The following DNHD1 variants were observed in gnomAD, a reference collection of about 807,000 sequenced individuals.
DNHD1 encodes the protein dynein heavy chain domain-containing protein 1.
A neutral mutation model predicts 458.1 loss-of-function variants in DNHD1; 383 were observed. That is an observed-to-expected ratio of 0.84 (90% CI 0.77 to 0.91). The LOEUF (loss-of-function observed/expected upper bound fraction) is 0.91. Ranked by LOEUF, DNHD1 falls within the 40% of genes least tolerant of loss-of-function variation. DNHD1 has a pLI of 0.00. For synonymous variants in DNHD1, 2,203 were observed against 2,376.9 expected (o/e 0.93, Z 2.13); for missense variants, 5,336 against 5,866.1 (o/e 0.91, Z 2.95).
Position 6,498,635 on chromosome 11 carries a change from G to C in DNHD1, c.420G>C (p.Leu140Phe). ...IVQAFPPDSS[L>F]LDSASHADCC... is the part of the protein sequence containing the mutation. ...AGGCCTTTCCTCCAGACAGCTCTTT[G>C]TTAGACAGTGCTTCCCATGCTGACT... Residue 140 changes from leucine (L) to phenylalanine (F), a missense_variant, in exon 3 of 43, where the codon TTG becomes TTC. Leu to Phe is a conservative substitution (Grantham distance 22). Coordinates refer to ENST00000254579, the MANE Select transcript of DNHD1 (RefSeq NM_144666.3). 1 of 1,614,208 alleles carries C rather than the reference G, an allele frequency of 6.2e-7. No individual in the cohort carries two copies. The highest frequency in any genetic ancestry group is 1.1e-5 in the South Asian group (1 of 91,084).
rs1852331664 is a variant in DNHD1, at chr11:6,511,323, G to A, written c.1286G>A (p.Arg429Gln). The change falls in exon 7 of 43, where the codon CGG (arginine) becomes CAG (glutamine). Residue 429 changes from arginine to glutamine, a missense_variant. By Grantham distance (43) the Arg-to-Gln change is conservative (BLOSUM62 1). Around this residue, in one of 4 missense-constraint regions of DNHD1, gnomAD observed 3,932 missense variants for 4,365.6 expected, o/e 0.90. Coordinates refer to ENST00000254579, the MANE Select transcript of DNHD1 (RefSeq NM_144666.3). ...TCCTGGCTACCCCAGGAACTGGATCGGTGCTATGAGCTGCTGGACCTGCAG... is the reference window on the plus strand; with the variant it reads ...TCCTGGCTACCCCAGGAACTGGATCAGTGCTATGAGCTGCTGGACCTGCAG... ...SVSWLPQELD[R>Q]CYELLDLQTA... 6 of 1,614,118 alleles carry A rather than the reference G, an allele frequency of 3.7e-6. No homozygotes were observed. The highest frequency in any genetic ancestry group is 3.3e-5 in the Admixed American group (2 of 60,004).
rs1054810068 is a variant in DNHD1 at position 6,544,278 on chromosome 11, T to C, written c.3754+32T>C. On this transcript the variant is annotated intron_variant, in intron 19 of 42. Transcript: ENST00000254579. ...GCAGGCCTCTAGCCAGGCTGATGGG[T>C]GAGACCTGAGGCAGGATGTCCCAGA... 2.6e-6 allele frequency: 4 copies of C among 1,550,702 alleles called. No individual in the cohort carries two copies. The African/African-American group carries it at 4.1e-5, about 16-fold the overall frequency.
chr11:6,571,550 C>G lies in DNHD1; in HGVS notation c.13912-86C>G, dbSNP rs1372490234. ...GCTAGCTTCTCCGATCTCGCTTCAC[C>G]ACGACCTCCTACCCGCTAACCCCCA... On this transcript the variant is annotated intron_variant, in intron 42 of 42. Transcript: ENST00000254579. This position sits in a 1 kb window ranked among gnomAD's most constrained non-coding sequence, Gnocchi z 5.0. 8 of 1,458,008 alleles carry G rather than the reference C, an allele frequency of 5.5e-6. No homozygotes were observed. The Admixed American group carries it at 9.6e-5, about 18-fold the overall frequency. 90.3% of individuals were successfully genotyped at this position (1,458,008 alleles called of 1,614,324 possible). A position where few individuals can be genotyped will look rare whatever the true frequency, so the allele number is the denominator to read the frequency against.
At chr11:6,516,132 A>T (rs944279176) in intron 7 of DNHD1, among the ~76,000 whole-genome samples, 16 of 151,926 alleles carry the variant, frequency 1.1e-4, no homozygotes, top group Admixed American at 2.0e-4. Context: ...AGTTTCTGAG[A>T]GGTATATGTT....
chr11:6,521,676 G>T (rs1490469044), intron 10 of DNHD1, among the ~76,000 whole-genome samples: 1 of 152,268 alleles, frequency 6.6e-6, no homozygotes, highest in Non-Finnish European at 1.5e-5. Flanking sequence ...AAGAAAAAAA[G>T]GATCTGAATG....
In DNHD1 at chr11:6,571,831, ACTGTGTACTCGTGTC is replaced by A. The variant is rs748971206; in HGVS notation, c.14116_14130del (p.Ser4706_Tyr4710del). 51 of 1,613,808 alleles carry A rather than the reference ACTGTGTACTCGTGTC, an allele frequency of 3.2e-5. No homozygotes were observed. The highest frequency in any genetic ancestry group is 4.1e-5 in the Non-Finnish European group (48 of 1,179,874). On this transcript the variant is annotated inframe_deletion, in exon 43 of 43. Transcript: ENST00000254579. The surrounding 1 kb of genome is among the most constrained non-coding windows in gnomAD (Gnocchi z 5.0). ...TGACCTGCCAGCCCCAGCCGACCTGACTGTGTACTCGTGTCCTGTGTACATGGGAGGGCCCCTTGG... is the reference window on the plus strand; with the variant it reads ...TGACCTGCCAGCCCCAGCCGACCTGACTGTGTACATGGGAGGGCCCCTTGG...
At chr11:6,552,146 A>G (rs1200713746) in intron 24 of DNHD1, among the ~76,000 whole-genome samples, 1 of 149,930 alleles carries the variant, frequency 6.7e-6, no homozygotes, top group Non-Finnish European at 1.5e-5. Context: ...TAAATTTAGC[A>G]ACTTAGGTGA....
chr11:6,532,942 C>T, intron 12 of DNHD1, 85 bp from the exon 13 acceptor site: 1 of 1,308,360 alleles, frequency 7.6e-7, no homozygotes. Flanking sequence ...TGCCATTCAG[C>T]CTACTCCCAC....
At chr11:6,503,813 C>T (rs1852182557) in intron 4 of DNHD1, 1 of 152,166 alleles carries the variant, frequency 6.6e-6, no homozygotes, top group South Asian at 2.1e-4. Flanking sequence ...CTATTCAAGT[C>T]CATCTCCTCC....
In DNHD1 at chr11:6,567,054, C is replaced by G. The variant is rs754619300; in HGVS notation, c.11545C>G (p.Pro3849Ala). Residue 3849 changes from proline (P) to alanine (A), a missense_variant, in exon 36 of 43, where the codon CCC becomes GCC. Pro to Ala is a conservative substitution (Grantham distance 27, BLOSUM62 -1). Coordinates refer to ENST00000254579, the MANE Select transcript of DNHD1 (RefSeq NM_144666.3). ...ACTACAGGAGATGGTATTGTGGGCA[C>G]CCTATCGACCTGTGGTTTGGCATGG... Reference protein sequence around the residue: ...QKLQEMVLWAPYRPVVWHGMA... With the variant: ...QKLQEMVLWAAYRPVVWHGMA... The G allele has an allele frequency of 8.7e-6, 14 of 1,613,900 alleles. No individual in the cohort carries two copies. The highest frequency in any genetic ancestry group is 1.3e-5 in the African/African-American group (1 of 74,918).
chr11:6,552,197 A>G (rs1853369184), intron 24 of DNHD1, among the ~76,000 whole-genome samples: 1 of 139,304 alleles, frequency 7.2e-6, no homozygotes. Flanking sequence ...ACACTGCAAT[A>G]AAGAACTACT....
intron 29 of DNHD1, 46 bp downstream of exon 29, chr11:6,563,177 G>A (rs1853621333): frequency 6.4e-7 from 1 of 1,551,274 alleles, no homozygotes; most frequent in African/African-American, 1.4e-5. Context: ...TCTCTCAAAA[G>A]AGGGCAACCC....
intron 10 of DNHD1, among the ~76,000 whole-genome samples, chr11:6,523,744 T>C (rs534968254): frequency 8.5e-4 from 130 of 152,258 alleles, no homozygotes; most frequent in African/African-American, 2.9e-3. Context: ...CCCAGCACTT[T>C]GGGAGGCCAA....
chr11:6,533,601 G>A, intron 13 of DNHD1, 80 bp from the exon 14 acceptor site: 1 of 1,471,650 alleles, frequency 6.8e-7, no homozygotes, highest in Non-Finnish European at 9.0e-7. Flanking sequence ...ACTCCAAAAG[G>A]TGGGAGTTCC....
chr11:6,566,774 G>A lies in DNHD1; in HGVS notation c.11385+9G>A. 10 of 1,607,830 alleles carry A rather than the reference G, an allele frequency of 6.2e-6. No individual in the cohort carries two copies. The highest frequency in any genetic ancestry group is 2.2e-5 in the East Asian group (1 of 44,682). The stretch of plus-strand genomic sequence containing the variant: ...CTGTGGAGGCTGCTGAGGTGCTTGG[G>A]GGCTCAGTCTGTGGGTTGAGATGAG... On this transcript the variant is annotated intron_variant, in intron 35 of 42. Transcript: ENST00000254579.
Position 6,571,169 on chromosome 11 carries a change from C to G in DNHD1, c.13657C>G (p.Arg4553Gly), listed in dbSNP as rs199993466. ...AGPQPPWHWL[R>G]QLSRRGQLLV... ...TCCGCAGCCGCCCTGGCACTGGCTG[C>G]GACAGTTGTCGCGCCGTGGGCAACT... is the stretch of plus-strand genomic sequence containing the variant. Residue 4553 changes from arginine to glycine, a missense_variant, in exon 42 of 43, where the codon CGA (arginine) becomes GGA (glycine). By Grantham distance (125) the Arg-to-Gly change is moderately radical (BLOSUM62 -2). Transcript: ENST00000254579. The surrounding 1 kb of genome is among the most constrained non-coding windows in gnomAD (Gnocchi z 5.0). 34 of 1,603,428 alleles carry G rather than the reference C, an allele frequency of 2.1e-5. No homozygotes were observed. Among genetic ancestry groups the G allele is most frequent in the Non-Finnish European group, 2.9e-5 (34 of 1,175,486 alleles).
Position 6,546,332 on chromosome 11 carries a change from G to T in DNHD1, c.5393G>T (p.Arg1798Leu). 2 of 1,552,354 alleles carry T rather than the reference G, an allele frequency of 1.3e-6. No individual in the cohort carries two copies. The highest frequency in any genetic ancestry group is 1.7e-6 in the Non-Finnish European group (2 of 1,147,148). ...TTTGAAAAACATCACGTGTCTGTGC[G>T]CCTTGGCTATGGCTGTCTCCTGGTA... ...SFFEKHHVSV[R>L]LGYGCLLVLR... Residue 1798 changes from arginine (R) to leucine (L), a missense_variant, in exon 21 of 43, where the codon CGC (arginine) becomes CTC (leucine). Arg to Leu is a moderately radical substitution (Grantham distance 102). Transcript: ENST00000254579.
chr11:6,522,863 T>C (rs934485594), intron 10 of DNHD1, among the ~76,000 whole-genome samples: 2 of 152,230 alleles, frequency 1.3e-5, no homozygotes, highest in Admixed American at 6.5e-5. Flanking sequence ...ACTAAAAGAA[T>C]ACTCAGGATA....
intron 10 of DNHD1, among the ~76,000 whole-genome samples, chr11:6,523,950 T>A (rs1852655919): frequency 6.6e-6 from 1 of 152,194 alleles, no homozygotes; most frequent in Non-Finnish European, 1.5e-5. Flanking sequence ...ATCACACCAC[T>A]GCATTCCAGC....
Sources: gnomAD v4.1 joint callset for allele counts (sites outside exome capture counted in the v4.1 genomes callset) on GRCh38, gnomAD v4.1.1 for gene constraint, gnomAD v4.1.1 regional missense constraint, Gnocchi (gnomAD v3.1) non-coding constraint, MANE v1.5 for transcripts, NCBI Gene and HGNC (gene_info 2026-07-23, HGNC 2026-07-21) for gene names.